The following SETD7 variants were observed in gnomAD, a reference collection of about 807,000 sequenced individuals.
The protein encoded by SETD7 is SET domain containing 7, histone lysine methyltransferase.
A neutral mutation model predicts 41.8 loss-of-function variants in SETD7; 16 were observed. The observed-to-expected ratio is 0.38, with a 90% CI of 0.26 to 0.58. The LOEUF is 0.58. Among genes scored for constraint, SETD7 ranks in the 20% least tolerant of loss-of-function variants. The probability of loss-of-function intolerance (pLI) is 0.64; values close to 1 mark genes in which losing one functional copy is unlikely to be tolerated. For synonymous variants in SETD7, 163 were observed against 169.7 expected (o/e 0.96, Z 0.31); for missense variants, 346 against 459.7 (o/e 0.75, Z 2.26).
At chr4:139,530,192 G>A (rs1727443752) in intron 3 of SETD7, among the ~76,000 whole-genome samples, 1 of 151,842 alleles carries the variant, frequency 6.6e-6, no homozygotes, top group African/African-American at 2.4e-5. Context: ...GGTCCTCATG[G>A]TATAACTTTG....
At chr4:139,536,143 C>T (rs1006042654) in intron 2 of SETD7, among the ~76,000 whole-genome samples, 3 of 152,172 alleles carry the variant, frequency 2.0e-5, no homozygotes, top group Non-Finnish European at 2.9e-5. Context: ...CTCGATTTTA[C>T]TCTCACCACA....
chr4:139,529,322 C>T (rs1380282987), intron 3 of SETD7, 102 bp from the exon 4 acceptor site: 3 of 866,206 alleles, frequency 3.5e-6, no homozygotes, highest in Non-Finnish European at 5.2e-6. Flanking sequence ...AATATAGCAC[C>T]AGTAGGGATA....
chr4:139,503,221 A>G (rs1201868078), downstream of SETD7, among the ~76,000 whole-genome samples: 7 of 149,836 alleles, frequency 4.7e-5, no homozygotes, highest in East Asian at 9.8e-4. Flanking sequence ...TGTGTGTTGC[A>G]TGGATTGGAT....
intron 5 of SETD7, among the ~76,000 whole-genome samples, chr4:139,521,829 C>G (rs921759249): frequency 6.6e-6 from 1 of 152,190 alleles, no homozygotes; most frequent in Non-Finnish European, 1.5e-5. Flanking sequence ...AGAATATGCC[C>G]TAGGGGGCTG....
At chr4:139,541,860 C>T (rs934534882) in intron 2 of SETD7, among the ~76,000 whole-genome samples, 1 of 152,126 alleles carries the variant, frequency 6.6e-6, no homozygotes, top group African/African-American at 2.4e-5. Context: ...AACAGGTAAA[C>T]AATGTACATT....
At chr4:139,521,520 T>A (rs996029814) in intron 5 of SETD7, among the ~76,000 whole-genome samples, 2 of 152,196 alleles carry the variant, frequency 1.3e-5, no homozygotes, top group Non-Finnish European at 2.9e-5. Context: ...TCATCTGTAA[T>A]TTTAGTTACA....
intron 4 of SETD7, among the ~76,000 whole-genome samples, chr4:139,525,562 T>C (rs1027277362): frequency 1.3e-5 from 2 of 152,144 alleles, no homozygotes; most frequent in African/African-American, 4.8e-5. Context: ...GTAGGGCTGA[T>C]CAGGTGAGAA....
intron 7 of SETD7, among the ~76,000 whole-genome samples, chr4:139,500,709 A>G (rs1404778198): frequency 6.6e-6 from 1 of 152,162 alleles, no homozygotes; most frequent in African/African-American, 2.4e-5. Flanking sequence ...GGGTTTTGCC[A>G]TGTTGGCAAG....
intron 4 of SETD7, among the ~76,000 whole-genome samples, chr4:139,527,474 C>T (rs937365252): frequency 6.6e-6 from 1 of 152,174 alleles, no homozygotes; most frequent in African/African-American, 2.4e-5. Context: ...AGGAGGATTG[C>T]TTGAGCTCAG....
intron 7 of SETD7, among the ~76,000 whole-genome samples, chr4:139,500,011 C>T (rs998241656): frequency 6.6e-6 from 1 of 152,164 alleles, no homozygotes; most frequent in East Asian, 1.9e-4. Context: ...ATAAAAATGG[C>T]CAATTTCCCC....
chr4:139,519,743 A>T (rs1478305246), intron 6 of SETD7, among the ~76,000 whole-genome samples: 4 of 152,270 alleles, frequency 2.6e-5, no homozygotes, highest in Admixed American at 2.6e-4. Context: ...CCTTAGGCAG[A>T]CACTTAGGGA....
At position 139,555,471 on chromosome 4, in the gene SETD7, C is replaced by T. The variant is rs1450111834; in HGVS notation, c.40+627G>A. Among the ~76,000 whole-genome samples, 2 of 152,038 alleles carry T rather than the reference C, an allele frequency of 1.3e-5. No individual in the cohort carries two copies. The highest frequency in any genetic ancestry group is 2.9e-5 in the Non-Finnish European group (2 of 68,006). On this transcript the variant is annotated intron_variant, in intron 1 of 7. Coordinates refer to ENST00000274031, the MANE Select transcript of SETD7 (RefSeq NM_030648.4). The surrounding 1 kb of genome is among the most constrained non-coding windows in gnomAD (Gnocchi z 4.0). ...GCTGAGGGGAGGGCTGCCCGCCTCC[C>T]GGACGGCGCACGTTCGAGTCCCGGG...
At chr4:139,540,631 A>C (rs936229322) in intron 2 of SETD7, among the ~76,000 whole-genome samples, 1 of 152,312 alleles carries the variant, frequency 6.6e-6, no homozygotes, top group Non-Finnish European at 1.5e-5. Flanking sequence ...TGTTATGAAG[A>C]CCACGTGTCC....
At chr4:139,540,087 C>G (rs1046122730) in intron 2 of SETD7, among the ~76,000 whole-genome samples, 1 of 152,038 alleles carries the variant, frequency 6.6e-6, no homozygotes, top group Non-Finnish European at 1.5e-5. Context: ...AATAATCCAT[C>G]TTTTCCCCTA....
At chr4:139,501,182 C>A (rs1726568270), downstream of SETD7, among the ~76,000 whole-genome samples, 1 of 152,176 alleles carries the variant, frequency 6.6e-6, no homozygotes, top group Non-Finnish European at 1.5e-5. Context: ...CACTAAAATG[C>A]AAGCTCCACA....
chr4:139,542,716 G>A (rs1456543321), intron 2 of SETD7, among the ~76,000 whole-genome samples: 1 of 151,990 alleles, frequency 6.6e-6, no homozygotes, highest in Non-Finnish European at 1.5e-5. Context: ...CTAAGCATTT[G>A]TTATGTTTGC....
At chr4:139,550,857 C>T (rs1728090843) in intron 1 of SETD7, among the ~76,000 whole-genome samples, 1 of 152,198 alleles carries the variant, frequency 6.6e-6, no homozygotes, top group South Asian at 2.1e-4. Context: ...CTCCCATATT[C>T]TCATCTTACA....
At chr4:139,503,669 TATTTA>T (rs1467815640), downstream of SETD7, among the ~76,000 whole-genome samples, 1 of 151,618 alleles carries the variant, frequency 6.6e-6, no homozygotes, top group African/African-American at 2.4e-5. Flanking sequence ...AAAATCCATT[TATTTA>T]ATTTATTTGA....
At chr4:139,518,551 A>G (rs1727094009) in intron 6 of SETD7, among the ~76,000 whole-genome samples, 1 of 152,224 alleles carries the variant, frequency 6.6e-6, no homozygotes, top group Non-Finnish European at 1.5e-5. Flanking sequence ...TTAACTATTT[A>G]TTCATTTTTC....
Sources: gnomAD v4.1 joint callset for allele counts (sites outside exome capture counted in the v4.1 genomes callset) on GRCh38, gnomAD v4.1.1 for gene constraint, Gnocchi (gnomAD v3.1) non-coding constraint, MANE v1.5 for transcripts, NCBI Gene and HGNC (gene_info 2026-07-23, HGNC 2026-07-21) for gene names.